Variants in PDE6A observed in about 807,000 individuals in gnomAD.
The protein encoded by PDE6A is rod cGMP-specific 3',5'-cyclic phosphodiesterase subunit alpha.
Under a neutral mutation model 106.3 loss-of-function variants are expected in PDE6A, and 84 were observed. The ratio of observed to expected loss-of-function variants is 0.79; its 90% confidence interval spans 0.66 to 0.95. PDE6A has a LOEUF of 0.95. Among genes scored for constraint, PDE6A ranks in the 40% least tolerant of loss-of-function variants. The pLI is 0.00. For synonymous variants in PDE6A, 394 were observed against 386.6 expected (o/e 1.02, Z -0.23); for missense variants, 1,052 against 1,084.9 (o/e 0.97, Z 0.43).
chr5:149,920,942 A>AAAAGAAAGAAAAAGAAAG (rs1753688437), intron 5 of PDE6A, among the ~76,000 whole-genome samples: 3 of 108,282 alleles, frequency 2.8e-5, no homozygotes, highest in Admixed American at 1.0e-4. Context: ...GAAAGAGAGA[A>AAAAGAAAGAAAAAGAAAG]AAAGAAAGAA....
chr5:149,923,505 TA>T (rs1399769726), intron 4 of PDE6A, among the ~76,000 whole-genome samples: 10 of 2,936 alleles, frequency 3.4e-3, no homozygotes, highest in African/African-American at 9.0e-3. Flanking sequence ...CTCAAATAAA[TA>T]ACATAACATA....
At chr5:149,905,021 A>G (rs1345042022) in intron 7 of PDE6A, among the ~76,000 whole-genome samples, 1 of 152,146 alleles carries the variant, frequency 6.6e-6, no homozygotes, top group Non-Finnish European at 1.5e-5. Context: ...GGGGCCACCA[A>G]TAACCTCTCC....
Position 149,898,360 on chromosome 5 carries a change from C to T in PDE6A, c.1407+3G>A, listed in dbSNP as rs1220469203. 2.5e-6 allele frequency: 4 copies of T among 1,613,224 alleles called. No individual in the cohort carries two copies. In the South Asian group the frequency reaches 4.4e-5, roughly 18 times the overall value. On this transcript the variant is annotated splice_donor_region_variant and intron_variant, in intron 10 of 21. Coordinates refer to ENST00000255266, the MANE Select transcript of PDE6A (RefSeq NM_000440.3). ...GTAGAAACAAGTAAAGAACATTACA[C>T]ACCAAGATTTTCTGAATTTCTTCAT... is the stretch of plus-strand genomic sequence containing the variant.
chr5:149,887,957 C>G (rs931915632), intron 13 of PDE6A, among the ~76,000 whole-genome samples: 1 of 150,296 alleles, frequency 6.7e-6, no homozygotes. Flanking sequence ...TGCTCTTGAG[C>G]CGCCCTCTTT....
At chr5:149,899,563 A>G (rs1752891487) in intron 8 of PDE6A, 39 bp from the exon 9 acceptor site, 1 of 1,597,462 alleles carries the variant, frequency 6.3e-7, no homozygotes, top group African/African-American at 1.3e-5. Context: ...CTCTTGTTTC[A>G]GGCCACAGAG....
At chr5:149,942,023 G>A (rs963476715) in intron 1 of PDE6A, among the ~76,000 whole-genome samples, 3 of 152,030 alleles carry the variant, frequency 2.0e-5, no homozygotes, top group East Asian at 1.9e-4. Flanking sequence ...GTGCAATGGC[G>A]CAATCATGGC....
At chr5:149,912,622 G>A (rs1753421801) in intron 6 of PDE6A, among the ~76,000 whole-genome samples, 2 of 152,158 alleles carry the variant, frequency 1.3e-5, no homozygotes, top group African/African-American at 4.8e-5. Flanking sequence ...AATGGCAGCT[G>A]CTTTATCAGC....
chr5:149,933,552 C>T (rs1754103191), intron 3 of PDE6A, among the ~76,000 whole-genome samples: 1 of 152,216 alleles, frequency 6.6e-6, no homozygotes, highest in South Asian at 2.1e-4. Flanking sequence ...TAATAAGAAA[C>T]TTCAATTGAG....
intron 19 of PDE6A, 105 bp from the exon 20 acceptor site, chr5:149,866,358 A>G (rs189946949): frequency 1.2e-6 from 1 of 813,504 alleles, no homozygotes; most frequent in Non-Finnish European, 2.1e-6. Context: ...TCATGTTTCC[A>G]GACCTGATGA....
intron 15 of PDE6A, 42 bp from the exon 16 acceptor site, chr5:149,884,621 T>A: frequency 6.5e-7 from 1 of 1,549,432 alleles, no homozygotes; most frequent in South Asian, 1.1e-5. Flanking sequence ...GAATTGATGC[T>A]GGCAGTAAAG....
Position 149,932,069 on chromosome 5 carries a change from G to C in PDE6A, c.718-901C>G, listed in dbSNP as rs1251210328. On this transcript the variant is annotated intron_variant, in intron 3 of 21. Coordinates refer to ENST00000255266, the MANE Select transcript of PDE6A (RefSeq NM_000440.3). ...AGAAAGCTACAGTAATTGAATACAC[G>C]ACCATTTCTCTTTTAGCACGTTCTT... 11 of 1,442,478 alleles carry C rather than the reference G, an allele frequency of 7.6e-6. No homozygotes were observed. The African/African-American group carries it at 1.5e-4, about 20-fold the overall frequency. The allele number at this position is 1,442,478 out of a possible 1,614,324, so 89.4% of individuals were successfully genotyped here.
At chr5:149,914,672 G>A (rs1409434182) in intron 6 of PDE6A, among the ~76,000 whole-genome samples, 4 of 127,088 alleles carry the variant, frequency 3.1e-5, no homozygotes, top group African/African-American at 5.8e-5. Flanking sequence ...AAAAAAAAAA[G>A]GTAGCAGTAA....
chr5:149,910,874 CT>C lies in PDE6A; in HGVS notation c.999-3497del, dbSNP rs386405293. On this transcript the variant is annotated intron_variant, in intron 6 of 21. Coordinates refer to ENST00000255266, the MANE Select transcript of PDE6A (RefSeq NM_000440.3). Reference sequence around the variant, plus strand: ...TTCCAAACAAGCCAGTTTCTTTTTCCTTTTTTTTTTTTTTTTTTTTTTTGAG... The same window carrying C: ...TTCCAAACAAGCCAGTTTCTTTTTCCTTTTTTTTTTTTTTTTTTTTTTGAG... Among the ~76,000 whole-genome samples, 77 of 87,148 alleles carry C rather than the reference CT, an allele frequency of 8.8e-4. 1 individual carries two copies. The highest frequency in any genetic ancestry group is 2.1e-3 in the East Asian group (6 of 2,926). The allele number at this position is 87,148 out of a possible 152,430, so 57.2% of individuals were successfully genotyped here.
At chr5:149,893,637 C>T (rs751020242) in intron 13 of PDE6A, among the ~76,000 whole-genome samples, 1 of 152,170 alleles carries the variant, frequency 6.6e-6, no homozygotes, top group Admixed American at 6.5e-5. Context: ...TATGGTTATG[C>T]AACCTTACAG....
Position 149,934,052 on chromosome 5 carries a change from GAGA to G in PDE6A, c.628-36_628-34del, listed in dbSNP as rs1207093310. 26 of 1,227,520 alleles carry G rather than the reference GAGA, an allele frequency of 2.1e-5. No homozygotes were observed. In the East Asian group the frequency reaches 5.3e-4, roughly 25 times the overall value. 76.0% of individuals were successfully genotyped at this position (1,227,520 alleles called of 1,614,324 possible). ...TCAAACAGCATGAGGGGAGGCAGGTGAGAAGAAGAAATCCATCCTCTGGCTACT... is the reference window on the plus strand; with the variant it reads ...TCAAACAGCATGAGGGGAGGCAGGTGAGAAGAAATCCATCCTCTGGCTACT... On this transcript the variant is annotated intron_variant, in intron 2 of 21. Coordinates refer to ENST00000255266, the MANE Select transcript of PDE6A (RefSeq NM_000440.3).
chr5:149,941,675 C>T (rs965043525), intron 1 of PDE6A, among the ~76,000 whole-genome samples: 1 of 152,142 alleles, frequency 6.6e-6, no homozygotes, highest in African/African-American at 2.4e-5. Context: ...CAGACAAGCC[C>T]AAATGAAAGG....
rs372161698 is a variant in PDE6A at position 149,898,474 on chromosome 5, T to C, written c.1296A>G (p.Leu432=). 7.8e-5 allele frequency: 126 copies of C among 1,613,724 alleles called. 1 individual carries two copies. The highest frequency in any genetic ancestry group is 1.0e-4 in the Non-Finnish European group (118 of 1,179,974). The change falls in exon 10 of 22, where the codon TTA becomes TTG. Residue 432 remains leucine (L), a synonymous_variant. Coordinates refer to ENST00000255266, the MANE Select transcript of PDE6A (RefSeq NM_000440.3). ...TCATTGACTCATAGGTGTCAGGATT[T>C]AAGACAGACCAGCCCAGAAATTGAG... ...SLTQFLGWSV[L]NPDTYESMNK...
Position 149,884,492 on chromosome 5 carries a change from C to T in PDE6A, c.2014G>A (p.Ala672Thr), listed in dbSNP as rs1411982766. The change falls in exon 16 of 22, where the codon GCC (alanine) becomes ACC (threonine). Residue 672 changes from alanine (A) to threonine (T), a missense_variant. Transcript: ENST00000255266. ...AGATATACCAACTTGAAATACAGGGCGAGGTCTGTGGCAATGATTGCAATG... is the reference window on the plus strand; with the variant it reads ...AGATATACCAACTTGAAATACAGGGTGAGGTCTGTGGCAATGATTGCAATG... Reference protein sequence around the residue: ...MDIAIIATDLALYFKKRTMFQ... With the variant: ...MDIAIIATDLTLYFKKRTMFQ... 4.3e-6 allele frequency: 7 copies of T among 1,610,998 alleles called. No homozygotes were observed. The highest frequency in any genetic ancestry group is 1.3e-5 in the African/African-American group (1 of 74,826).
intron 14 of PDE6A, among the ~76,000 whole-genome samples, chr5:149,885,748 T>C (rs1752270577): frequency 6.6e-6 from 1 of 152,218 alleles, no homozygotes; most frequent in African/African-American, 2.4e-5. Flanking sequence ...ATAAAATTTA[T>C]TATTTTACAG....
Sources: allele counts gnomAD v4.1 joint callset (sites outside exome capture counted in the v4.1 genomes callset), GRCh38; gene constraint gnomAD v4.1.1; transcripts MANE v1.5; gene names NCBI Gene and HGNC (gene_info 2026-07-23, HGNC 2026-07-21).